NCAPH: variants seen among roughly 807,000 people sequenced by gnomAD.
NCAPH encodes condensin complex subunit 2.
Under a neutral mutation model 85.5 loss-of-function variants are expected in NCAPH, and 38 were observed. That is an observed-to-expected ratio of 0.44 (90% CI 0.34 to 0.58). The LOEUF (loss-of-function observed/expected upper bound fraction) is 0.58. NCAPH is among the 20% of genes least tolerant of loss of function. The pLI is 0.01. For missense variants in NCAPH, 789 were observed against 916.6 expected, an observed-to-expected ratio of 0.86 and a Z score of 1.80; for synonymous variants, 301 against 335.1, an observed-to-expected ratio of 0.90 and a Z score of 1.11.
chr2:96,363,171 T>C (rs1435037434), intron 12 of NCAPH, among the ~76,000 whole-genome samples: 7 of 152,262 alleles, frequency 4.6e-5, no homozygotes, highest in Admixed American at 4.6e-4. Context: ...TGAAGGCTGA[T>C]ATGATCATTA....
intron 7 of NCAPH, among the ~76,000 whole-genome samples, chr2:96,352,550 C>T (rs999585140): frequency 7.9e-5 from 12 of 152,134 alleles, no homozygotes; most frequent in Admixed American, 5.2e-4. Context: ...CGCCTCCACG[C>T]CTGAGTTGGG....
At chr2:96,352,320 C>T (rs778401523) in intron 7 of NCAPH, among the ~76,000 whole-genome samples, 3 of 152,142 alleles carry the variant, frequency 2.0e-5, no homozygotes, top group African/African-American at 7.2e-5. Flanking sequence ...GACCTGGGTT[C>T]CTCCTGGAGT....
chr2:96,350,431 C>T (rs1432307540), intron 6 of NCAPH, among the ~76,000 whole-genome samples: 1 of 152,038 alleles, frequency 6.6e-6, no homozygotes, highest in African/African-American at 2.4e-5. Context: ...GGTGGGAAAC[C>T]ATTACTCTGG....
chr2:96,367,482 T>C (rs1337939731), intron 15 of NCAPH, 109 bp downstream of exon 15: 1 of 742,338 alleles, frequency 1.3e-6, no homozygotes, highest in Non-Finnish European at 2.3e-6. Context: ...TACAGAAATG[T>C]TCGTTCAAAA....
At chr2:96,358,508 A>C (rs950729023) in intron 9 of NCAPH, among the ~76,000 whole-genome samples, 11 of 151,866 alleles carry the variant, frequency 7.2e-5, no homozygotes, top group Non-Finnish European at 1.0e-4. Context: ...TCACTCTGTC[A>C]CCCAGGCTGG....
intron 17 of NCAPH, 133 bp from the exon 18 acceptor site, chr2:96,373,159 A>T: frequency 1.4e-6 from 1 of 722,516 alleles, no homozygotes; most frequent in Non-Finnish European, 2.3e-6. Context: ...TATACTTGCT[A>T]TGAAACAGTT....
chr2:96,353,465 A>G lies in NCAPH; in HGVS notation c.1002+68A>G, dbSNP rs72939610. On this transcript the variant is annotated intron_variant, in intron 8 of 17. Transcript: ENST00000240423. The stretch of plus-strand genomic sequence containing the variant: ...TCAAGAGTGGTCCTGCCCAATGGGA[A>G]CCAAAACTGTGGCATCATCTTTATT... 1,933 of 1,334,410 alleles carry G rather than the reference A, an allele frequency of 1.4e-3. 21 individuals carry two copies. The African/African-American group carries it at 0.024, about 16-fold the overall frequency. The allele number at this position is 1,334,410 out of a possible 1,614,324, so 82.7% of individuals were successfully genotyped here.
chr2:96,341,926 G>A (rs373946302), intron 2 of NCAPH, 32 bp downstream of exon 2: 22 of 1,604,828 alleles, frequency 1.4e-5, no homozygotes, highest in Non-Finnish European at 1.7e-5. Context: ...TCTCCTTGAG[G>A]CAGCCGCCTT....
At chr2:96,361,129 A>G (rs557415064) in intron 12 of NCAPH, among the ~76,000 whole-genome samples, 3 of 138,976 alleles carry the variant, frequency 2.2e-5, no homozygotes, top group Non-Finnish European at 4.5e-5. Flanking sequence ...GCTCACTGCA[A>G]CCTCTCCCTC....
At chr2:96,370,914 G>T (rs1391013544) in intron 17 of NCAPH, among the ~76,000 whole-genome samples, 1 of 152,136 alleles carries the variant, frequency 6.6e-6, no homozygotes, top group South Asian at 2.1e-4. Flanking sequence ...TGCTGTTGGG[G>T]GGCAGTAAGG....
Position 96,367,282 on chromosome 2 carries a change from C to A in NCAPH, c.1907C>A (p.Ala636Asp), listed in dbSNP as rs1287803855. 1.2e-6 allele frequency: 2 copies of A among 1,612,602 alleles called. No individual in the cohort carries two copies. Among genetic ancestry groups the A allele is most frequent in the East Asian group, 2.2e-5 (1 of 44,858 alleles). The change falls in exon 15 of 18, where the codon GCC becomes GAC. Residue 636 changes from alanine to aspartate, a missense_variant. By Grantham distance (126) the Ala-to-Asp change is moderately radical. Transcript: ENST00000240423. ...QKVNKIEIHY[A>D]KTAKKMDMKK... ...GTAAATAAAATTGAAATTCACTATG[C>A]CAAGACTGCCAAAAAGATGGACATG...
Position 96,374,316 on chromosome 2 carries a change from A to C in NCAPH, c.*965A>C, listed in dbSNP as rs2064809539. On this transcript the variant is annotated 3_prime_UTR_variant, in exon 18 of 18. Coordinates refer to ENST00000240423, the MANE Select transcript of NCAPH (RefSeq NM_015341.5). ...ACAGGCTCAGCAGTGGGTGGAGAGC[A>C]GTGCTCAGATTTGTCCATCTCCACA... is the stretch of plus-strand genomic sequence containing the variant. Among the ~76,000 whole-genome samples the C allele has an allele frequency of 6.6e-6, 1 of 152,228 alleles. No homozygotes were observed. The highest frequency in any genetic ancestry group is 1.5e-5 in the Non-Finnish European group (1 of 68,042).
chr2:96,371,805 C>A (rs998165797), intron 17 of NCAPH, among the ~76,000 whole-genome samples: 1 of 152,232 alleles, frequency 6.6e-6, no homozygotes, highest in African/African-American at 2.4e-5. Flanking sequence ...GAGAAATATT[C>A]TCAACGCTTC....
intron 6 of NCAPH, among the ~76,000 whole-genome samples, chr2:96,345,361 C>T (rs2064348777): frequency 6.6e-6 from 1 of 152,102 alleles, no homozygotes; most frequent in Non-Finnish European, 1.5e-5. Context: ...GGACCCAGAC[C>T]CTGGAACGGG....
chr2:96,373,671 T>A lies in NCAPH; in HGVS notation c.*320T>A, dbSNP rs988335020. The A allele has an allele frequency of 9.7e-6, 2 of 205,968 alleles. No homozygotes were observed. Among genetic ancestry groups the A allele is most frequent in the African/African-American group, 4.6e-5 (2 of 43,544 alleles). The allele number at this position is 205,968 out of a possible 1,614,324, so 12.8% of individuals were successfully genotyped here. The stretch of plus-strand genomic sequence containing the variant: ...ATATCAATGTATAGTTTTAGTCTCC[T>A]AAATTGATCTGTTATTTTCCAAACT... On this transcript the variant is annotated 3_prime_UTR_variant, in exon 18 of 18. Transcript: ENST00000240423.
In NCAPH at chr2:96,360,573, T is replaced by A. The variant is rs185899106; in HGVS notation, c.1465-15T>A. On this transcript the variant is annotated splice_polypyrimidine_tract_variant and intron_variant, in intron 11 of 17. Coordinates refer to ENST00000240423, the MANE Select transcript of NCAPH (RefSeq NM_015341.5). ...GTTAAAATGCCTAAAACACTTTTTT[T>A]AAAAAAATTAATAGGCTGCTACTAT... 240 of 1,611,266 alleles carry A rather than the reference T, an allele frequency of 1.5e-4. No individual in the cohort carries two copies. The East Asian group carries it at 1.5e-3, about 10-fold the overall frequency.
At chr2:96,338,407 C>G (rs918937323) in intron 1 of NCAPH, among the ~76,000 whole-genome samples, 1 of 152,190 alleles carries the variant, frequency 6.6e-6, no homozygotes, top group Non-Finnish European at 1.5e-5. Context: ...TGCTTGAGTA[C>G]ATTGTTCAGC....
chr2:96,347,878 C>T (rs1456243602), intron 6 of NCAPH, among the ~76,000 whole-genome samples: 1 of 151,862 alleles, frequency 6.6e-6, no homozygotes, highest in Non-Finnish European at 1.5e-5. Flanking sequence ...TGTGCACGGG[C>T]AGGGAGGGGC....
chr2:96,356,181 C>T (rs1378405375), intron 9 of NCAPH, among the ~76,000 whole-genome samples: 4 of 152,186 alleles, frequency 2.6e-5, no homozygotes, highest in South Asian at 2.1e-4. Flanking sequence ...AGACTCTATC[C>T]TACCTAGTAC....
Sources: allele counts gnomAD v4.1 joint callset (sites outside exome capture counted in the v4.1 genomes callset), GRCh38; gene constraint gnomAD v4.1.1; transcripts MANE v1.5; gene names NCBI Gene and HGNC (gene_info 2026-07-23, HGNC 2026-07-21).